The following HDAC4 variants were observed in gnomAD, a reference collection of about 807,000 sequenced individuals.
The protein encoded by HDAC4 is histone deacetylase 4.
HDAC4 carries 16 observed loss-of-function variants against 135.1 expected under a neutral mutation model. The observed-to-expected ratio is 0.12, with a 90% CI of 0.08 to 0.18. The LOEUF is 0.18. Ranked by LOEUF, HDAC4 falls within the 10% of genes least tolerant of loss-of-function variation. HDAC4 has a pLI of 1.00. For missense variants in HDAC4, 1,143 were observed against 1,511.8 expected (o/e 0.76, Z 4.05); for synonymous variants, 685 against 653.4 (o/e 1.05, Z -0.74).
intron 24 of HDAC4, among the ~76,000 whole-genome samples, chr2:239,063,562 T>C (rs1321621403): frequency 6.6e-6 from 1 of 152,150 alleles, no homozygotes; most frequent in Non-Finnish European, 1.5e-5. Context: ...AGGGGACGTA[T>C]GCGCCCACCC....
intron 2 of HDAC4, among the ~76,000 whole-genome samples, chr2:239,318,938 C>T (rs1354038078): frequency 6.6e-6 from 1 of 152,154 alleles, no homozygotes. Flanking sequence ...AGAGACACAA[C>T]GGATTCCTGC....
In HDAC4 at chr2:239,118,161, G is replaced by A. The variant is rs985246212; in HGVS notation, c.1534-2851C>T. ...CAGAGCCCTGCTGTGCCTCACTGTG[G>A]AACATCAGAGACTTCAGATTGGGCG... On this transcript the variant is annotated intron_variant, in intron 12 of 26. Transcript: ENST00000543185. Among the ~76,000 whole-genome samples the A allele has an allele frequency of 2.6e-5, 4 of 152,288 alleles. No homozygotes were observed. In the South Asian group the frequency reaches 8.3e-4, roughly 32 times the overall value.
chr2:239,103,877 T>A (rs1416053634), intron 15 of HDAC4, among the ~76,000 whole-genome samples: 1 of 152,076 alleles, frequency 6.6e-6, no homozygotes, highest in Non-Finnish European at 1.5e-5. Flanking sequence ...CCATGCAGGG[T>A]GGAGGAAGAA....
intron 1 of HDAC4, among the ~76,000 whole-genome samples, chr2:239,378,342 G>A (rs1050134947): frequency 2.0e-5 from 3 of 152,180 alleles, no homozygotes; most frequent in African/African-American, 7.2e-5. Context: ...TGGCAGCTGG[G>A]GTCCACACGA....
In HDAC4 at chr2:239,307,353, A is replaced by G. The variant is rs890844573; in HGVS notation, c.22+45325T>C. Among the ~76,000 whole-genome samples, 3 of 152,098 alleles carry G rather than the reference A, an allele frequency of 2.0e-5. No individual in the cohort carries two copies. Among genetic ancestry groups the G allele is most frequent in the Non-Finnish European group, 4.4e-5 (3 of 68,006 alleles). On this transcript the variant is annotated intron_variant, in intron 2 of 26. Coordinates refer to ENST00000543185, the MANE Select transcript of HDAC4 (RefSeq NM_001378414.1). The surrounding 1 kb of genome is among the most constrained non-coding windows in gnomAD (Gnocchi z 4.8). ...GAGCCGAGGAGCCGGAGGCCCCAAC[A>G]CAAGAGCGGCTCTCCGTGATGCCCA... is the stretch of plus-strand genomic sequence containing the variant.
chr2:239,365,877 A>G (rs1367013989), intron 1 of HDAC4, among the ~76,000 whole-genome samples: 1 of 151,394 alleles, frequency 6.6e-6, no homozygotes, highest in South Asian at 2.1e-4. Flanking sequence ...CACGCGTGGC[A>G]CTGGGGGACA....
At chr2:239,296,734 G>A (rs571524944) in intron 2 of HDAC4, among the ~76,000 whole-genome samples, 6 of 152,218 alleles carry the variant, frequency 3.9e-5, no homozygotes, top group East Asian at 1.9e-4. Flanking sequence ...GTCGGGCCCC[G>A]GAGCTGTGCT....
At chr2:239,325,180 T>C (rs2053433961) in intron 2 of HDAC4, among the ~76,000 whole-genome samples, 1 of 152,214 alleles carries the variant, frequency 6.6e-6, no homozygotes, top group Admixed American at 6.5e-5. Flanking sequence ...ACCTTGGATT[T>C]GGCAGTGGCT....
intron 13 of HDAC4, among the ~76,000 whole-genome samples, chr2:239,114,206 C>T (rs2152806649): frequency 6.6e-6 from 1 of 152,316 alleles, no homozygotes; most frequent in East Asian, 1.9e-4. Flanking sequence ...AGCGTCTGGC[C>T]ACACAGCTGG....
rs551069281 is a variant in HDAC4 at position 239,393,888 on chromosome 2, G to A, written c.-220+7090C>T. Among the ~76,000 whole-genome samples, 13 of 152,248 alleles carry A rather than the reference G, an allele frequency of 8.5e-5. No homozygotes were observed. The East Asian group carries it at 2.3e-3, about 27-fold the overall frequency. ...ATCTCATGTAAAACCTAGTACTTGGGCTGGGGTGTAAAATGAGTATTTGCA... is the reference window on the plus strand; with the variant it reads ...ATCTCATGTAAAACCTAGTACTTGGACTGGGGTGTAAAATGAGTATTTGCA... On this transcript the variant is annotated intron_variant, in intron 1 of 26. Transcript: ENST00000543185.
rs2030520480 is a variant in HDAC4 at position 239,049,646 on chromosome 2, G to C, written c.*3451C>G. On this transcript the variant is annotated 3_prime_UTR_variant, in exon 27 of 27. Transcript: ENST00000543185. Reference sequence around the variant, plus strand: ...TGCTGCAAAAATCAAACTTGCTTTTGTGTCAGACCATTACGAAATGGTCCT... The same window carrying C: ...TGCTGCAAAAATCAAACTTGCTTTTCTGTCAGACCATTACGAAATGGTCCT... 1 of 152,510 alleles carries C rather than the reference G, an allele frequency of 6.6e-6. No individual in the cohort carries two copies. Among genetic ancestry groups the C allele is most frequent in the Non-Finnish European group, 1.5e-5 (1 of 68,024 alleles). The allele number at this position is 152,510 out of a possible 1,614,324, so 9.4% of individuals were successfully genotyped here. A position where few individuals can be genotyped will look rare whatever the true frequency, so the allele number is the denominator to read the frequency against.
At chr2:239,128,795 C>T (rs1276674914) in intron 11 of HDAC4, among the ~76,000 whole-genome samples, 4 of 151,988 alleles carry the variant, frequency 2.6e-5, no homozygotes, top group Non-Finnish European at 4.4e-5. Flanking sequence ...TGCACAGTCC[C>T]CTGCCCAGGC....
chr2:239,201,245 G>A (rs2045737252), intron 3 of HDAC4, among the ~76,000 whole-genome samples: 1 of 152,096 alleles, frequency 6.6e-6, no homozygotes, highest in Non-Finnish European at 1.5e-5. Flanking sequence ...GGGGCTGAAG[G>A]AGTGTTATGG....
intron 21 of HDAC4, 82 bp from the exon 22 acceptor site, chr2:239,081,274 G>A (rs1026094830): frequency 3.0e-5 from 36 of 1,211,384 alleles, no homozygotes; most frequent in Middle Eastern, 1.9e-4. Flanking sequence ...AGGTGGCACC[G>A]GGATGGGCTC....
intron 14 of HDAC4, among the ~76,000 whole-genome samples, chr2:239,111,023 C>T (rs2038620427): frequency 1.3e-5 from 2 of 152,240 alleles, no homozygotes; most frequent in Admixed American, 6.5e-5. Context: ...TGAGGGATGG[C>T]ACAGACAGAG....
chr2:239,102,611 C>A (rs906036271), intron 16 of HDAC4, 165 bp downstream of exon 16: 67 of 721,754 alleles, frequency 9.3e-5, no homozygotes, highest in Non-Finnish European at 2.3e-6. Flanking sequence ...CATCAACAAC[C>A]AGTGGCTTGT....
chr2:239,078,674 TCCTAAAGGCTGGCTGGGC>T (rs2035006569), intron 22 of HDAC4, among the ~76,000 whole-genome samples: 1 of 152,180 alleles, frequency 6.6e-6, no homozygotes, highest in Non-Finnish European at 1.5e-5. Context: ...GGCACGTTCA[TCCTAAAGGCTGGCTGGGC>T]CGGCCGGGGC....
chr2:239,320,542 T>C (rs11680524), intron 2 of HDAC4, among the ~76,000 whole-genome samples: 50,207 of 152,090 alleles, frequency 0.33, 9,317 homozygotes, highest in Non-Finnish European at 0.43. Context: ...TCTTCTGTTA[T>C]GTAAAAATAT....
In HDAC4 at chr2:239,366,133, A is replaced by T. The variant is rs576685179; in HGVS notation, c.-219-13215T>A. ...TCACGCGTGTGGCACTGGCGGACAC[A>T]AACACGCATGCACAGAGCAGGGTCG... On this transcript the variant is annotated intron_variant, in intron 1 of 26. Transcript: ENST00000543185. Among the ~76,000 whole-genome samples, 46 of 150,764 alleles carry T rather than the reference A, an allele frequency of 3.1e-4. No individual in the cohort carries two copies. In the East Asian group the frequency reaches 7.9e-3, roughly 26 times the overall value.
Sources: gnomAD v4.1 joint callset for allele counts (sites outside exome capture counted in the v4.1 genomes callset) on GRCh38, gnomAD v4.1.1 for gene constraint, Gnocchi (gnomAD v3.1) non-coding constraint, MANE v1.5 for transcripts, NCBI Gene and HGNC (gene_info 2026-07-23, HGNC 2026-07-21) for gene names.